The following ELAVL2 variants were observed in gnomAD, a reference collection of about 807,000 sequenced individuals.
The protein encoded by ELAVL2 is ELAV-like protein 2.
A neutral mutation model predicts 34.6 loss-of-function variants in ELAVL2; 4 were observed. That is an observed-to-expected ratio of 0.12 (90% CI 0.06 to 0.26). The LOEUF is 0.26. ELAVL2 is among the 10% of genes least tolerant of loss of function. ELAVL2 has a pLI of 1.00. For synonymous variants in ELAVL2, 193 were observed against 154.8 expected (o/e 1.25, Z -1.83); for missense variants, 432 against 442.8 (o/e 0.98, Z 0.22).
intron 6 of ELAVL2, among the ~76,000 whole-genome samples, 183 bp downstream of exon 6, chr9:23,693,265 G>GGCAT (rs1159736202): frequency 2.0e-5 from 3 of 152,162 alleles, no homozygotes; most frequent in Non-Finnish European, 4.4e-5. Context: ...AAGACCAGGT[G>GGCAT]GCATCCGGTG....
chr9:23,830,909 A>C (rs900199041), upstream of ELAVL2, among the ~76,000 whole-genome samples: 2 of 151,800 alleles, frequency 1.3e-5, no homozygotes, highest in African/African-American at 4.8e-5. Context: ...AGGAAAAAAA[A>C]CCCCAAAAAA....
intron 1 of ELAVL2, among the ~76,000 whole-genome samples, chr9:23,785,670 T>C (rs1367129472): frequency 6.6e-6 from 1 of 152,194 alleles, no homozygotes; most frequent in Non-Finnish European, 1.5e-5. Context: ...AGTCACGACA[T>C]AGAAATCTAG....
At chr9:23,695,795 T>C (rs191472139) in intron 5 of ELAVL2, among the ~76,000 whole-genome samples, 9 of 152,204 alleles carry the variant, frequency 5.9e-5, no homozygotes, top group South Asian at 2.1e-4. Flanking sequence ...CACTAGACAA[T>C]AGGAATTTTT....
intron 3 of ELAVL2, among the ~76,000 whole-genome samples, chr9:23,727,320 G>A (rs890008049): frequency 6.6e-6 from 1 of 152,004 alleles, no homozygotes; most frequent in Non-Finnish European, 1.5e-5. Context: ...ACTATGAGAC[G>A]GATACGTTGT....
intron 1 of ELAVL2, among the ~76,000 whole-genome samples, chr9:23,818,602 C>T (rs2064065744): frequency 6.6e-6 from 1 of 152,210 alleles, no homozygotes; most frequent in Admixed American, 6.5e-5. Flanking sequence ...CAGGGTGGCA[C>T]ACCATCTAGC....
At chr9:23,725,545 G>A (rs1208329149) in intron 3 of ELAVL2, among the ~76,000 whole-genome samples, 1 of 152,076 alleles carries the variant, frequency 6.6e-6, no homozygotes, top group Non-Finnish European at 1.5e-5. Context: ...CTTTACAGTG[G>A]GGGCTGGTTT....
At chr9:23,849,119 G>T in the ELAVL2 span, among the ~76,000 whole-genome samples, 1 of 152,134 alleles carries the variant, frequency 6.6e-6, no homozygotes, top group Non-Finnish European at 1.5e-5. Flanking sequence ...CTTGGAAAAT[G>T]AATGAGAAAA....
chr9:23,797,798 C>A (rs2137500517), intron 1 of ELAVL2, among the ~76,000 whole-genome samples: 1 of 152,250 alleles, frequency 6.6e-6, no homozygotes, highest in African/African-American at 2.4e-5. Context: ...CGTGGTGGCG[C>A]ATGCCTGTAA....
intron 3 of ELAVL2, among the ~76,000 whole-genome samples, chr9:23,715,720 A>C (rs1043790653): frequency 7.9e-5 from 12 of 152,174 alleles, no homozygotes; most frequent in Admixed American, 7.9e-4. Context: ...TGTACTTAAG[A>C]TATAATTTGT....
chr9:23,810,648 C>T (rs1214464066), intron 1 of ELAVL2, among the ~76,000 whole-genome samples: 1 of 152,136 alleles, frequency 6.6e-6, no homozygotes, highest in Admixed American at 6.5e-5. Flanking sequence ...GAAAGAACAT[C>T]ATTCTGGGAT....
At chr9:23,778,379 A>G (rs2058555275) in intron 1 of ELAVL2, among the ~76,000 whole-genome samples, 1 of 152,208 alleles carries the variant, frequency 6.6e-6, no homozygotes, top group South Asian at 2.1e-4. Flanking sequence ...AAAACAAAAC[A>G]CAAACAAAAA....
intron 3 of ELAVL2, among the ~76,000 whole-genome samples, chr9:23,715,084 T>A (rs190542850): frequency 6.6e-5 from 10 of 152,336 alleles, no homozygotes; most frequent in Non-Finnish European, 2.9e-5. Flanking sequence ...TCTTATATGA[T>A]GCCTATCTCA....
At chr9:23,738,461 ATCCTATTACTACAG>A (rs1255982081) in intron 2 of ELAVL2, among the ~76,000 whole-genome samples, 4 of 152,286 alleles carry the variant, frequency 2.6e-5, no homozygotes, top group African/African-American at 9.6e-5. Flanking sequence ...GACTGGTGAG[ATCCTATTACTACAG>A]TCCAAGCCAG....
At chr9:23,762,295 C>T (rs559644990) in intron 1 of ELAVL2, 46 bp from the exon 2 acceptor site, 1 of 1,590,926 alleles carries the variant, frequency 6.3e-7, no homozygotes, top group Non-Finnish European at 8.6e-7. Context: ...TATTTCACAA[C>T]CTATTAGAGA....
chr9:23,724,444 C>T (rs1419002849), intron 3 of ELAVL2, among the ~76,000 whole-genome samples: 1 of 152,174 alleles, frequency 6.6e-6, no homozygotes, highest in Non-Finnish European at 1.5e-5. Context: ...GAGGACAGGA[C>T]ATTCAAGCTC....
chr9:23,805,174 G>T (rs1306197136), intron 1 of ELAVL2, among the ~76,000 whole-genome samples: 2 of 152,114 alleles, frequency 1.3e-5, no homozygotes, highest in Non-Finnish European at 2.9e-5. Flanking sequence ...ATAAACAAAA[G>T]AAAGACGTTA....
chr9:23,832,855 AAGTG>A, the ELAVL2 span, among the ~76,000 whole-genome samples: 7 of 152,152 alleles, frequency 4.6e-5, no homozygotes, highest in Non-Finnish European at 1.0e-4. Flanking sequence ...TTGTTGGAAA[AAGTG>A]AGAAAAATTT....
intron 1 of ELAVL2, among the ~76,000 whole-genome samples, chr9:23,773,658 C>A (rs767733367): frequency 6.6e-6 from 1 of 152,088 alleles, no homozygotes; most frequent in African/African-American, 2.4e-5. Flanking sequence ...GGAGCACATA[C>A]GCAATTACAG....
intron 1 of ELAVL2, among the ~76,000 whole-genome samples, chr9:23,796,702 T>C (rs1588600899): frequency 6.6e-6 from 1 of 152,240 alleles, no homozygotes; most frequent in African/African-American, 2.4e-5. Context: ...GTAGAGTTAG[T>C]TCCCTGCACA....
Sources: allele counts gnomAD v4.1 joint callset (sites outside exome capture counted in the v4.1 genomes callset), GRCh38; gene constraint gnomAD v4.1.1; transcripts MANE v1.5; gene names NCBI Gene and HGNC (gene_info 2026-07-23, HGNC 2026-07-21).